Variants in CEP164 observed in about 807,000 individuals in gnomAD.
CEP164 encodes the protein centrosomal protein 164.
In CEP164, 162 loss-of-function variants were observed where a neutral mutation model predicts 182.7. The ratio of observed to expected loss-of-function variants is 0.89; its 90% CI spans 0.78 to 1.01. CEP164 has a LOEUF of 1.01. Ranked by LOEUF, CEP164 falls within the 50% of genes least tolerant of loss-of-function variation. The probability of loss-of-function intolerance (pLI) is 0.00; values close to 1 mark genes in which losing one functional copy is unlikely to be tolerated. For missense variants in CEP164, 1,735 were observed against 1,790.4 expected, an observed-to-expected ratio of 0.97 and a Z score of 0.56; for synonymous variants, 661 against 690.0, an observed-to-expected ratio of 0.96 and a Z score of 0.66.
chr11:117,340,065 G>A lies in CEP164; in HGVS notation c.82+1397G>A, dbSNP rs571234390. 4.0e-5 allele frequency among the ~76,000 whole-genome samples: 6 copies of A among 151,384 alleles called. No individual in the cohort carries two copies. The East Asian group carries it at 7.9e-4, about 20-fold the overall frequency. ...TTTTGAGATGGAGTTTCACTCTGTC[G>A]CCCAGGCTGGAGGGCAGTGGCGGGA... On this transcript the variant is annotated intron_variant, in intron 3 of 32. Transcript: ENST00000278935.
At chr11:117,344,047 A>G in intron 3 of CEP164, 119 bp from the exon 4 acceptor site, 1 of 628,640 alleles carries the variant, frequency 1.6e-6, no homozygotes, top group South Asian at 2.0e-5. Flanking sequence ...TTTATTGTTT[A>G]TAATTTAAAG....
Position 117,387,418 on chromosome 11 carries a change from G to T in CEP164, c.1934+6G>T. 1 of 1,613,828 alleles carries T rather than the reference G, an allele frequency of 6.2e-7. No individual in the cohort carries two copies. Among genetic ancestry groups the T allele is most frequent in the Non-Finnish European group, 8.5e-7 (1 of 1,179,894 alleles). On this transcript the variant is annotated splice_donor_region_variant and intron_variant, in intron 15 of 32. Coordinates refer to ENST00000278935, the MANE Select transcript of CEP164 (RefSeq NM_014956.5). ...CAGAAAGAGCAATCTCTCAGGTCCTGCCCTTCCCCTTAGGCATGCTTCCTG... is the reference window on the plus strand; with the variant it reads ...CAGAAAGAGCAATCTCTCAGGTCCTTCCCTTCCCCTTAGGCATGCTTCCTG...
At chr11:117,367,223 A>G (rs1344272687) in intron 8 of CEP164, among the ~76,000 whole-genome samples, 1 of 152,216 alleles carries the variant, frequency 6.6e-6, no homozygotes, top group Admixed American at 6.5e-5. Context: ...TGGCTTCTCC[A>G]GACACTCAGC....
At chr11:117,365,761 G>A (rs997187188) in intron 8 of CEP164, among the ~76,000 whole-genome samples, 2 of 151,944 alleles carry the variant, frequency 1.3e-5, no homozygotes, top group African/African-American at 2.4e-5. Flanking sequence ...TGTATTTTTA[G>A]TAGATACGGG....
chr11:117,324,174 C>T (rs2035348927), upstream of CEP164, among the ~76,000 whole-genome samples: 1 of 152,126 alleles, frequency 6.6e-6, no homozygotes, highest in South Asian at 2.1e-4. Flanking sequence ...AGGATGGGCA[C>T]AGTGGCTCAT....
Position 117,409,627 on chromosome 11 carries a change from C to T in CEP164, c.3758C>T (p.Thr1253Ile). 1.2e-6 allele frequency: 2 copies of T among 1,607,478 alleles called. No individual in the cohort carries two copies. The highest frequency in any genetic ancestry group is 2.2e-5 in the East Asian group (1 of 44,688). Residue 1253 changes from threonine (T) to isoleucine (I), a missense_variant, in exon 30 of 33, where the codon ACC (threonine) becomes ATC (isoleucine). Coordinates refer to ENST00000278935, the MANE Select transcript of CEP164 (RefSeq NM_014956.5). The surrounding 1 kb of genome is among the most constrained non-coding windows in gnomAD (Gnocchi z 4.4). ...EWWRQQRIDSTPSLTSRKIHG... is the reference protein window; with the variant it reads ...EWWRQQRIDSIPSLTSRKIHG... Reference sequence around the variant, plus strand: ...ACCTCTTTTCTTTCAGTCGACTCAACCCCGAGTCTCACCTCCCGCAAGATC... The same window carrying T: ...ACCTCTTTTCTTTCAGTCGACTCAATCCCGAGTCTCACCTCCCGCAAGATC...
intron 8 of CEP164, 138 bp from the exon 9 acceptor site, chr11:117,370,942 T>G: frequency 4.8e-6 from 4 of 828,454 alleles, no homozygotes; most frequent in African/African-American, 1.7e-5. Flanking sequence ...AACAACTGGG[T>G]GATTGATAAC....
At position 117,382,953 on chromosome 11, in the gene CEP164, G is replaced by T. The variant is rs375043249; in HGVS notation, c.1724+11G>T. On this transcript the variant is annotated intron_variant, in intron 14 of 32. Coordinates refer to ENST00000278935, the MANE Select transcript of CEP164 (RefSeq NM_014956.5). ...AGTCTCTCCAGAGGTGTAAGGGCCA[G>T]TTTTGTGTGTCTGTCCCTGACCTCC... 1 of 1,610,896 alleles carries T rather than the reference G, an allele frequency of 6.2e-7. No homozygotes were observed. Among genetic ancestry groups the T allele is most frequent in the African/African-American group, 1.3e-5 (1 of 74,858 alleles).
chr11:117,381,592 A>G, intron 12 of CEP164, 109 bp from the exon 13 acceptor site: 2 of 1,301,634 alleles, frequency 1.5e-6, no homozygotes, highest in South Asian at 3.0e-5. Context: ...GGGCTGGAGC[A>G]TAACCCAGGA....
intron 3 of CEP164, among the ~76,000 whole-genome samples, chr11:117,342,334 G>A (rs1313801688): frequency 2.0e-5 from 3 of 152,192 alleles, no homozygotes; most frequent in African/African-American, 7.2e-5. Flanking sequence ...TTTCCACTGA[G>A]ATGGCTCATT....
chr11:117,392,778 C>A, intron 19 of CEP164, 151 bp downstream of exon 19: 1 of 1,263,044 alleles, frequency 7.9e-7, no homozygotes, highest in Non-Finnish European at 1.1e-6. Context: ...GCCTTAGTTC[C>A]CTTGAAGCCA....
At chr11:117,348,925 G>A (rs2039286733) in intron 4 of CEP164, among the ~76,000 whole-genome samples, 4 of 152,136 alleles carry the variant, frequency 2.6e-5, no homozygotes, top group Admixed American at 2.6e-4. Flanking sequence ...CTTTCACTTA[G>A]CATAACATCC....
intron 7 of CEP164, among the ~76,000 whole-genome samples, 154 bp from the exon 8 acceptor site, chr11:117,363,275 G>A (rs1428378526): frequency 6.6e-6 from 1 of 152,206 alleles, no homozygotes; most frequent in African/African-American, 2.4e-5. Context: ...GTTTAGTGAG[G>A]CTGCCTCAGT....
chr11:117,408,811 G>A, intron 28 of CEP164, 79 bp from the exon 29 acceptor site: 1 of 1,577,616 alleles, frequency 6.3e-7, no homozygotes, highest in East Asian at 2.2e-5. Flanking sequence ...CAGTGTCCCA[G>A]CCACTTCCTA....
intron 8 of CEP164, among the ~76,000 whole-genome samples, chr11:117,369,686 C>G (rs1176715755): frequency 6.6e-6 from 1 of 151,692 alleles, no homozygotes; most frequent in Non-Finnish European, 1.5e-5. Flanking sequence ...GTTATTCAGT[C>G]TGGCAGCCCA....
intron 8 of CEP164, among the ~76,000 whole-genome samples, chr11:117,368,877 A>G (rs948691364): frequency 6.6e-6 from 1 of 152,216 alleles, no homozygotes; most frequent in African/African-American, 2.4e-5. Context: ...TGGGAGGGGT[A>G]GCACTGGCGG....
At chr11:117,343,455 A>C (rs2038415345) in intron 3 of CEP164, among the ~76,000 whole-genome samples, 1 of 152,070 alleles carries the variant, frequency 6.6e-6, no homozygotes, top group Non-Finnish European at 1.5e-5. Flanking sequence ...TTTTCAGTAC[A>C]TGCTTGTTGA....
At chr11:117,388,226 G>T (rs1218409673) in intron 15 of CEP164, among the ~76,000 whole-genome samples, 2 of 152,176 alleles carry the variant, frequency 1.3e-5, no homozygotes, top group East Asian at 3.9e-4. Context: ...TTGGCTGACT[G>T]TGCTTTCCAT....
At chr11:117,372,509 G>A (rs543798443) in intron 9 of CEP164, among the ~76,000 whole-genome samples, 2 of 151,676 alleles carry the variant, frequency 1.3e-5, no homozygotes, top group South Asian at 4.2e-4. Context: ...TCCGCCTCCC[G>A]GGTTCAAGTG....
Sources: gnomAD v4.1 joint callset for allele counts (sites outside exome capture counted in the v4.1 genomes callset) on GRCh38, gnomAD v4.1.1 for gene constraint, Gnocchi (gnomAD v3.1) non-coding constraint, MANE v1.5 for transcripts, NCBI Gene and HGNC (gene_info 2026-07-23, HGNC 2026-07-21) for gene names.